Variants in SHB observed in about 807,000 individuals in gnomAD.
SHB encodes SH2 domain containing adaptor protein B, also known as SH2 domain-containing adapter protein B.
SHB carries 20 observed loss-of-function variants against 52.3 expected under a neutral mutation model. The observed-to-expected ratio is 0.38, with a 90% CI of 0.27 to 0.56. The LOEUF is 0.56. SHB is among the 20% of genes least tolerant of loss of function. The pLI is 0.71. For synonymous variants in SHB, 397 were observed against 316.5 expected (o/e 1.25, Z -2.70); for missense variants, 825 against 723.3 (o/e 1.14, Z -1.61).
chr9:37,976,256 G>A (rs1212808091), intron 2 of SHB, among the ~76,000 whole-genome samples: 8 of 152,136 alleles, frequency 5.3e-5, no homozygotes, highest in African/African-American at 1.9e-4. Flanking sequence ...GGCTGGCCTC[G>A]AACTCCTGAC....
intron 1 of SHB, among the ~76,000 whole-genome samples, chr9:38,039,372 C>A (rs554298516): frequency 6.6e-6 from 1 of 152,246 alleles, no homozygotes; most frequent in South Asian, 2.1e-4. Flanking sequence ...GACTTTAAAG[C>A]GCAGTGGGAA....
At chr9:37,990,082 C>T (rs1169296577) in intron 2 of SHB, among the ~76,000 whole-genome samples, 1 of 152,164 alleles carries the variant, frequency 6.6e-6, no homozygotes, top group Non-Finnish European at 1.5e-5. Flanking sequence ...CATCAACTTC[C>T]AGAACACGAG....
intron 2 of SHB, among the ~76,000 whole-genome samples, chr9:37,991,736 G>A (rs1820884130): frequency 6.6e-6 from 1 of 152,184 alleles, no homozygotes; most frequent in Non-Finnish European, 1.5e-5. Context: ...AAGGCAAAGT[G>A]ATGCCCATCA....
chr9:37,938,903 G>A (rs1255823682), intron 5 of SHB, among the ~76,000 whole-genome samples: 1 of 152,186 alleles, frequency 6.6e-6, no homozygotes, highest in African/African-American at 2.4e-5. Context: ...CATTGGGAAG[G>A]GGGAAGCTGA....
chr9:37,956,737 C>A (rs1313269833), intron 3 of SHB, among the ~76,000 whole-genome samples: 2 of 152,180 alleles, frequency 1.3e-5, no homozygotes, highest in African/African-American at 2.4e-5. Context: ...CCACAAAGAG[C>A]AGAAAGCGCT....
At chr9:38,024,580 C>A (rs1398449699) in intron 1 of SHB, among the ~76,000 whole-genome samples, 2 of 152,236 alleles carry the variant, frequency 1.3e-5, no homozygotes, top group Non-Finnish European at 2.9e-5. Context: ...CAGCTTCACC[C>A]CCTCAGAGTG....
chr9:38,065,565 T>G (rs1227696616), intron 1 of SHB, among the ~76,000 whole-genome samples: 1 of 152,134 alleles, frequency 6.6e-6, no homozygotes, highest in Non-Finnish European at 1.5e-5. Context: ...TGCACTAAAG[T>G]TTGAGGATCG....
intron 1 of SHB, among the ~76,000 whole-genome samples, chr9:38,052,851 C>T (rs1180705308): frequency 1.1e-4 from 17 of 152,326 alleles, no homozygotes; most frequent in Non-Finnish European, 1.5e-5. Flanking sequence ...GCCCCTCTCC[C>T]GGGATGTCCT....
intron 3 of SHB, among the ~76,000 whole-genome samples, chr9:37,966,941 T>A (rs1223460440): frequency 6.6e-6 from 1 of 152,148 alleles, no homozygotes; most frequent in Non-Finnish European, 1.5e-5. Flanking sequence ...GAGGGCAACA[T>A]GGTATGGGTG....
intron 3 of SHB, among the ~76,000 whole-genome samples, chr9:37,958,236 TG>T (rs1355505245): frequency 6.6e-6 from 1 of 152,170 alleles, no homozygotes. Flanking sequence ...TGCCCGCCAG[TG>T]GTCAGATCCA....
At chr9:37,983,847 T>C (rs958914362) in intron 2 of SHB, among the ~76,000 whole-genome samples, 28 of 152,320 alleles carry the variant, frequency 1.8e-4, no homozygotes, top group South Asian at 4.1e-4. Context: ...ACTGGAATGA[T>C]GCACTTGCCA....
intron 2 of SHB, among the ~76,000 whole-genome samples, chr9:37,988,348 G>T (rs1316706803): frequency 5.3e-5 from 8 of 152,190 alleles, no homozygotes; most frequent in African/African-American, 1.7e-4. Flanking sequence ...GGTTGAACCA[G>T]ATGATCTCAG....
chr9:37,919,474 C>A lies in SHB; in HGVS notation c.*347G>T. 5.0e-6 allele frequency: 1 copy of A among 198,500 alleles called. No individual in the cohort carries two copies. Among genetic ancestry groups the A allele is most frequent in the Non-Finnish European group, 1.0e-5 (1 of 97,006 alleles). 12.3% of individuals were successfully genotyped at this position (198,500 alleles called of 1,614,324 possible). A position where few individuals can be genotyped will look rare whatever the true frequency, so the allele number is the denominator to read the frequency against. On this transcript the variant is annotated 3_prime_UTR_variant, in exon 6 of 6. Coordinates refer to ENST00000377707, the MANE Select transcript of SHB (RefSeq NM_003028.3). ...AGACAGCTGGAGAACAAAGAGATGT[C>A]AGCCAGGGAGCTCCCGCCCCACCCT...
At chr9:38,042,823 C>T (rs1821600230) in intron 1 of SHB, among the ~76,000 whole-genome samples, 1 of 152,210 alleles carries the variant, frequency 6.6e-6, no homozygotes, top group Admixed American at 6.5e-5. Context: ...CACCAAATGT[C>T]CGCCCCAGGC....
At chr9:38,050,507 T>G (rs1821725811) in intron 1 of SHB, among the ~76,000 whole-genome samples, 1 of 152,218 alleles carries the variant, frequency 6.6e-6, no homozygotes, top group African/African-American at 2.4e-5. Flanking sequence ...TTTGGGATTT[T>G]TTTTTAAAGA....
Position 37,916,208 on chromosome 9 carries a change from C to T in SHB, c.*3613G>A, listed in dbSNP as rs993056487. 3.9e-5 allele frequency among the ~76,000 whole-genome samples: 6 copies of T among 152,240 alleles called. No homozygotes were observed. The highest frequency in any genetic ancestry group is 2.1e-4 in the South Asian group (1 of 4,832). ...TGGATGGCTTGCCGAATTTGGTCTTCGCTGATCACCAATTCTGGAAGGGTG... is the reference window on the plus strand; with the variant it reads ...TGGATGGCTTGCCGAATTTGGTCTTTGCTGATCACCAATTCTGGAAGGGTG... On this transcript the variant is annotated 3_prime_UTR_variant, in exon 6 of 6. Coordinates refer to ENST00000377707, the MANE Select transcript of SHB (RefSeq NM_003028.3).
chr9:38,066,140 AGAG>A (rs1821957668), intron 1 of SHB, among the ~76,000 whole-genome samples: 1 of 152,266 alleles, frequency 6.6e-6, no homozygotes, highest in Non-Finnish European at 1.5e-5. Flanking sequence ...GGTGATGAAA[AGAG>A]TCAAGTCTTA....
At chr9:38,035,022 C>T (rs182310248) in intron 1 of SHB, among the ~76,000 whole-genome samples, 33 of 152,130 alleles carry the variant, frequency 2.2e-4, no homozygotes, top group Admixed American at 2.0e-3. Flanking sequence ...AATTAAGGAG[C>T]GGTCACCAGG....
intron 5 of SHB, among the ~76,000 whole-genome samples, chr9:37,920,695 G>A (rs1377963414): frequency 6.6e-6 from 1 of 152,230 alleles, no homozygotes; most frequent in East Asian, 1.9e-4. Context: ...TGCCTCTGCT[G>A]GGTGGTTTTC....
Sources: allele counts gnomAD v4.1 joint callset (sites outside exome capture counted in the v4.1 genomes callset), GRCh38; gene constraint gnomAD v4.1.1; transcripts MANE v1.5; gene names NCBI Gene and HGNC (gene_info 2026-07-23, HGNC 2026-07-21).